The following KLHL1 variants were observed in gnomAD, a reference collection of about 807,000 sequenced individuals.
KLHL1 encodes the protein kelch-like protein 1.
Under a neutral mutation model 77.7 loss-of-function variants are expected in KLHL1, and 47 were observed. The ratio of observed to expected loss-of-function variants is 0.60; its 90% CI spans 0.48 to 0.77. KLHL1 has a LOEUF of 0.77. Ranked by LOEUF, KLHL1 falls within the 30% of genes least tolerant of loss-of-function variation. The probability of loss-of-function intolerance (pLI) is 0.00; values close to 1 mark genes in which losing one functional copy is unlikely to be tolerated. For synonymous variants in KLHL1, 360 were observed against 325.2 expected, an observed-to-expected ratio of 1.11 and a Z score of -1.15; for missense variants, 925 against 910.8, an observed-to-expected ratio of 1.02 and a Z score of -0.20.
At chr13:69,864,627 A>C (rs1202891250) in intron 5 of KLHL1, among the ~76,000 whole-genome samples, 1 of 152,148 alleles carries the variant, frequency 6.6e-6, no homozygotes, top group Non-Finnish European at 1.5e-5. Context: ...CATACTCACA[A>C]GGTAAAGACT....
chr13:69,858,325 C>T (rs1292275920), intron 5 of KLHL1, among the ~76,000 whole-genome samples: 1 of 152,060 alleles, frequency 6.6e-6, no homozygotes, highest in Non-Finnish European at 1.5e-5. Context: ...CTAATAAGGA[C>T]TTTGAACTTC....
intron 4 of KLHL1, among the ~76,000 whole-genome samples, chr13:69,924,241 T>G (rs1882739537): frequency 6.6e-6 from 1 of 152,156 alleles, no homozygotes; most frequent in Non-Finnish European, 1.5e-5. Flanking sequence ...GGTAGGTACC[T>G]GGTGAAATCC....
At chr13:69,845,098 T>G (rs1426573648) in intron 5 of KLHL1, among the ~76,000 whole-genome samples, 1 of 151,630 alleles carries the variant, frequency 6.6e-6, no homozygotes, top group Non-Finnish European at 1.5e-5. Flanking sequence ...TGATATAAAC[T>G]GTACATAAGC....
At chr13:69,703,359 A>G (rs1390569953) in intron 10 of KLHL1, among the ~76,000 whole-genome samples, 1 of 151,686 alleles carries the variant, frequency 6.6e-6, no homozygotes, top group Non-Finnish European at 1.5e-5. Flanking sequence ...AAGAAAAAAA[A>G]TTATACAGCT....
intron 6 of KLHL1, among the ~76,000 whole-genome samples, chr13:69,826,142 T>G (rs975511411): frequency 6.6e-6 from 1 of 151,768 alleles, no homozygotes; most frequent in Non-Finnish European, 1.5e-5. Context: ...AAGCAGAGAG[T>G]AGAATGGTGG....
chr13:70,095,420 C>A (rs921312381), intron 1 of KLHL1, among the ~76,000 whole-genome samples: 1 of 152,034 alleles, frequency 6.6e-6, no homozygotes. Flanking sequence ...TTAAGAGTTT[C>A]AAAAATGACA....
chr13:69,865,409 A>G (rs150223961), intron 5 of KLHL1, among the ~76,000 whole-genome samples: 61 of 152,242 alleles, frequency 4.0e-4, no homozygotes, highest in African/African-American at 1.4e-3. Context: ...TAAAAAGGTT[A>G]TAACTAAGAA....
At chr13:69,898,778 A>G (rs1881742231) in intron 4 of KLHL1, among the ~76,000 whole-genome samples, 1 of 152,160 alleles carries the variant, frequency 6.6e-6, no homozygotes, top group African/African-American at 2.4e-5. Flanking sequence ...TAAAAATAAA[A>G]AACTATCCTT....
chr13:69,735,222 A>AT (rs1432626881), intron 8 of KLHL1, among the ~76,000 whole-genome samples: 1 of 151,790 alleles, frequency 6.6e-6, no homozygotes, highest in East Asian at 1.9e-4. Context: ...AGACAATAAA[A>AT]TACTGCCTTT....
intron 1 of KLHL1, among the ~76,000 whole-genome samples, chr13:70,039,811 T>A (rs1822172): frequency 0.61 from 92,406 of 151,718 alleles, 28,571 homozygotes; most frequent in East Asian, 0.8. Flanking sequence ...AGCTAATTTT[T>A]AAAATTTTTA....
chr13:69,840,373 A>G (rs908617174), intron 5 of KLHL1, among the ~76,000 whole-genome samples: 1 of 151,788 alleles, frequency 6.6e-6, no homozygotes, highest in African/African-American at 2.4e-5. Context: ...ACAGATGTGC[A>G]CCACCATGCC....
intron 4 of KLHL1, among the ~76,000 whole-genome samples, chr13:69,938,916 C>G (rs1883263887): frequency 6.6e-6 from 1 of 151,868 alleles, no homozygotes; most frequent in Admixed American, 6.6e-5. Flanking sequence ...GACTCATTAG[C>G]AATTAGAAAA....
intron 1 of KLHL1, among the ~76,000 whole-genome samples, chr13:69,989,371 G>T (rs1371229226): frequency 6.6e-6 from 1 of 151,910 alleles, no homozygotes; most frequent in Non-Finnish European, 1.5e-5. Context: ...TTGTAGTATG[G>T]TTTGAAGTCA....
At chr13:69,989,700 G>GTATTT (rs1298064530) in intron 1 of KLHL1, among the ~76,000 whole-genome samples, 2 of 151,876 alleles carry the variant, frequency 1.3e-5, no homozygotes, top group Non-Finnish European at 2.9e-5. Flanking sequence ...GTATTTCTAG[G>GTATTT]TATTTTATTT....
At chr13:69,924,037 G>A (rs1031213387) in intron 4 of KLHL1, among the ~76,000 whole-genome samples, 1 of 152,204 alleles carries the variant, frequency 6.6e-6, no homozygotes, top group Non-Finnish European at 1.5e-5. Flanking sequence ...ATTCAGCCAC[G>A]TGTGCACATG....
intron 1 of KLHL1, among the ~76,000 whole-genome samples, chr13:70,042,672 T>A (rs1886404847): frequency 6.6e-6 from 1 of 152,226 alleles, no homozygotes; most frequent in African/African-American, 2.4e-5. Context: ...TGTCACTATT[T>A]GATGTATTTA....
At position 69,701,682 on chromosome 13, in the gene KLHL1, C is replaced by G. The variant is rs770767724; in HGVS notation, c.*20G>C. 6.3e-7 allele frequency: 1 copy of G among 1,580,704 alleles called. No homozygotes were observed. The highest frequency in any genetic ancestry group is 8.7e-7 in the Non-Finnish European group (1 of 1,154,264). ...AACCACTCCAGCAAGTAAAATCTTTCCAAGTAAAATATCAATAAGTCAAGG... is the reference window on the plus strand; with the variant it reads ...AACCACTCCAGCAAGTAAAATCTTTGCAAGTAAAATATCAATAAGTCAAGG... On this transcript the variant is annotated 3_prime_UTR_variant, in exon 11 of 11. Coordinates refer to ENST00000377844, the MANE Select transcript of KLHL1 (RefSeq NM_020866.3).
intron 2 of KLHL1, 122 bp downstream of exon 2, chr13:69,975,497 CA>C (rs1157174734): frequency 2.5e-6 from 2 of 796,794 alleles, no homozygotes; most frequent in Non-Finnish European, 3.8e-6. Context: ...ACAACAACAA[CA>C]AAAAACTTAA....
chr13:69,909,936 G>A lies in KLHL1; in HGVS notation c.1015-27441C>T, dbSNP rs532767067. 5.3e-5 allele frequency among the ~76,000 whole-genome samples: 8 copies of A among 152,148 alleles called. No individual in the cohort carries two copies. In the South Asian group the frequency reaches 8.3e-4, roughly 16 times the overall value. ...GTCCTCCTTAAGTTCCTCTCACAGC[G>A]TCAAGGATCCTTTCCTTTGTTGTTT... is the stretch of plus-strand genomic sequence containing the variant. On this transcript the variant is annotated intron_variant, in intron 4 of 10. Transcript: ENST00000377844.
Sources: allele counts gnomAD v4.1 joint callset (sites outside exome capture counted in the v4.1 genomes callset), GRCh38; gene constraint gnomAD v4.1.1; transcripts MANE v1.5; gene names NCBI Gene and HGNC (gene_info 2026-07-23, HGNC 2026-07-21).